Variants in SLC23A2 observed in about 807,000 individuals in gnomAD.
The protein encoded by SLC23A2 is Na(+)/L-ascorbic acid transporter 2.
In SLC23A2, 36 loss-of-function variants were observed where a neutral mutation model predicts 73.3. The ratio of observed to expected loss-of-function variants is 0.49; its 90% confidence interval spans 0.38 to 0.65. The LOEUF is 0.65. SLC23A2 is among the 30% of genes least tolerant of loss of function. The pLI is 0.00. For missense variants in SLC23A2, 507 were observed against 841.6 expected (o/e 0.60, Z 4.92); for synonymous variants, 343 against 327.3 (o/e 1.05, Z -0.52).
chr20:5,009,155 C>A (rs922031798), intron 1 of SLC23A2, among the ~76,000 whole-genome samples: 1 of 152,152 alleles, frequency 6.6e-6, no homozygotes, highest in African/African-American at 2.4e-5. Flanking sequence ...AATCTCTCTT[C>A]TTTTGACTTT....
At chr20:4,890,379 G>A (rs563069176) in intron 6 of SLC23A2, among the ~76,000 whole-genome samples, 4 of 152,262 alleles carry the variant, frequency 2.6e-5, no homozygotes, top group East Asian at 1.9e-4. Context: ...AAGGCCAGGC[G>A]TGGTGGCTCA....
At chr20:4,938,334 CTTTT>C (rs752802054) in intron 2 of SLC23A2, among the ~76,000 whole-genome samples, 5 of 124,900 alleles carry the variant, frequency 4.0e-5, no homozygotes, top group Non-Finnish European at 5.0e-5. Flanking sequence ...CTCATTCCAT[CTTTT>C]TTTTTTTTTT....
intron 1 of SLC23A2, among the ~76,000 whole-genome samples, chr20:4,989,019 A>G (rs1341086089): frequency 6.6e-6 from 1 of 151,822 alleles, no homozygotes; most frequent in East Asian, 2.0e-4. Context: ...GGTGGATCAC[A>G]AGGTCAGGAG....
chr20:4,956,409 C>T (rs923410854), intron 2 of SLC23A2, among the ~76,000 whole-genome samples: 14 of 152,150 alleles, frequency 9.2e-5, no homozygotes, highest in African/African-American at 2.4e-4. Flanking sequence ...TCTAGTGTTA[C>T]GAAATCTAAT....
chr20:4,956,093 TA>T, intron 2 of SLC23A2, among the ~76,000 whole-genome samples: 1 of 152,336 alleles, frequency 6.6e-6, no homozygotes, highest in South Asian at 2.1e-4. Context: ...AAAAAACTTT[TA>T]ATTCTTCAGA....
chr20:4,944,207 T>C (rs896061673), intron 2 of SLC23A2, among the ~76,000 whole-genome samples: 1 of 152,306 alleles, frequency 6.6e-6, no homozygotes, highest in Middle Eastern at 3.4e-3. Context: ...TCTAATCCTA[T>C]AGACCTACCT....
At position 4,868,616 on chromosome 20, in the gene SLC23A2, A is replaced by G. The variant is rs959155946; in HGVS notation, c.1251-741T>C. ...CAGGAAGGAAATGTTTTATAATTTC[A>G]TAAGTACTGACACTTTTAAACATAC... On this transcript the variant is annotated intron_variant, in intron 12 of 16. Coordinates refer to ENST00000338244, the MANE Select transcript of SLC23A2 (RefSeq NM_005116.6). The surrounding 1 kb of genome is among the most constrained non-coding windows in gnomAD (Gnocchi z 4.4). Among the ~76,000 whole-genome samples, 10 of 152,252 alleles carry G rather than the reference A, an allele frequency of 6.6e-5. No individual in the cohort carries two copies. Among genetic ancestry groups the G allele is most frequent in the African/African-American group, 2.2e-4 (9 of 41,468 alleles).
Position 4,856,462 on chromosome 20 carries a change from C to T in SLC23A2, c.*510G>A, listed in dbSNP as rs112295813. 5.9e-3 allele frequency: 903 copies of T among 153,758 alleles called. 4 individuals carry two copies. The highest frequency in any genetic ancestry group is 9.3e-3 in the Non-Finnish European group (640 of 69,168). 9.5% of individuals were successfully genotyped at this position (153,758 alleles called of 1,614,324 possible). On this transcript the variant is annotated 3_prime_UTR_variant, in exon 17 of 17. Transcript: ENST00000338244. This position sits in a 1 kb window ranked among gnomAD's most constrained non-coding sequence, Gnocchi z 4.6. ...ACAGCCTCCTCCTCCGGGAGATCAG[C>T]GACAACAGAATCATACTGGGCCAGT...
rs1326970509 is a variant in SLC23A2, at chr20:4,902,718, T to C, written c.208-160A>G. On this transcript the variant is annotated intron_variant, in intron 4 of 16. Transcript: ENST00000338244. This position sits in a 1 kb window ranked among gnomAD's most constrained non-coding sequence, Gnocchi z 4.0. The stretch of plus-strand genomic sequence containing the variant: ...CTATCTTTGAAGCCAAGTATTCTCT[T>C]TGGCTCAAGTACAGTCGCCCACCGG... 6.6e-6 allele frequency among the ~76,000 whole-genome samples: 1 copy of C among 152,152 alleles called. No homozygotes were observed. The highest frequency in any genetic ancestry group is 1.5e-5 in the Non-Finnish European group (1 of 68,026).
chr20:4,932,355 C>T (rs1004394658), intron 3 of SLC23A2, 100 bp downstream of exon 3: 8 of 778,216 alleles, frequency 1.0e-5, no homozygotes, highest in Admixed American at 3.7e-5. Context: ...AATGCCTTAA[C>T]CTTCACTGAA....
chr20:4,963,152 C>T (rs940902029), intron 2 of SLC23A2, among the ~76,000 whole-genome samples: 1 of 152,196 alleles, frequency 6.6e-6, no homozygotes, highest in Non-Finnish European at 1.5e-5. Context: ...CAAATCCTTT[C>T]CACATCTCCC....
chr20:4,883,174 T>C lies in SLC23A2; in HGVS notation c.824+468A>G, dbSNP rs1284330026. ...CCCCCAACCACCCACCCGTCAGGAG[T>C]GCAGAGCTCAGTGTGGCCTGGGGAG... On this transcript the variant is annotated intron_variant, in intron 9 of 16. Transcript: ENST00000338244. The surrounding 1 kb of genome is among the most constrained non-coding windows in gnomAD (Gnocchi z 4.5). Among the ~76,000 whole-genome samples, 1 of 152,088 alleles carries C rather than the reference T, an allele frequency of 6.6e-6. No homozygotes were observed. Among genetic ancestry groups the C allele is most frequent in the East Asian group, 1.9e-4 (1 of 5,164 alleles).
intron 3 of SLC23A2, among the ~76,000 whole-genome samples, chr20:4,917,115 G>C (rs924080976): frequency 6.6e-6 from 1 of 152,220 alleles, no homozygotes; most frequent in Non-Finnish European, 1.5e-5. Context: ...AGTCCAGACT[G>C]AGTGCCCCGC....
intron 2 of SLC23A2, among the ~76,000 whole-genome samples, chr20:4,956,579 T>C (rs553335586): frequency 1.2e-4 from 18 of 152,276 alleles, no homozygotes; most frequent in Middle Eastern, 3.4e-3. Context: ...ACTTTTATAT[T>C]TCATTAAGAG....
chr20:5,004,187 C>G (rs1371252381), upstream of SLC23A2, among the ~76,000 whole-genome samples: 1 of 152,174 alleles, frequency 6.6e-6, no homozygotes, highest in Non-Finnish European at 1.5e-5. Flanking sequence ...TGAATATTCT[C>G]CAGGAATTGC....
At chr20:4,917,454 C>T (rs1198246220) in intron 3 of SLC23A2, among the ~76,000 whole-genome samples, 2 of 152,028 alleles carry the variant, frequency 1.3e-5, no homozygotes, top group African/African-American at 2.4e-5. Flanking sequence ...AGTAAAGTGT[C>T]CAGGCTGGGT....
In SLC23A2 at chr20:4,868,822, G is replaced by A. The variant is rs75360811; in HGVS notation, c.1251-947C>T. 9.2e-5 allele frequency among the ~76,000 whole-genome samples: 14 copies of A among 152,030 alleles called. No individual in the cohort carries two copies. In the East Asian group the frequency reaches 2.7e-3, roughly 29 times the overall value. On this transcript the variant is annotated intron_variant, in intron 12 of 16. Coordinates refer to ENST00000338244, the MANE Select transcript of SLC23A2 (RefSeq NM_005116.6). This position sits in a 1 kb window ranked among gnomAD's most constrained non-coding sequence, Gnocchi z 4.4. ...TTCTTTTCTCTGCAGACTCCTCAGG[G>A]GCAATCATCTGACAACTTCTAAAAG... is the stretch of plus-strand genomic sequence containing the variant.
intron 1 of SLC23A2, among the ~76,000 whole-genome samples, chr20:4,986,226 CG>C (rs1280049009): frequency 1.3e-5 from 2 of 152,108 alleles, no homozygotes; most frequent in South Asian, 4.1e-4. Flanking sequence ...CCAGCAGAGG[CG>C]GGGGCAGGAG....
At chr20:4,939,768 C>A (rs996840128) in intron 2 of SLC23A2, among the ~76,000 whole-genome samples, 7 of 151,988 alleles carry the variant, frequency 4.6e-5, no homozygotes, top group African/African-American at 1.7e-4. Flanking sequence ...ATCCTGCTCA[C>A]CATGGCAAGA....
Sources: gnomAD v4.1 joint callset for allele counts (sites outside exome capture counted in the v4.1 genomes callset) on GRCh38, gnomAD v4.1.1 for gene constraint, Gnocchi (gnomAD v3.1) non-coding constraint, MANE v1.5 for transcripts, NCBI Gene and HGNC (gene_info 2026-07-23, HGNC 2026-07-21) for gene names.